MYH7B: variants seen among roughly 807,000 people sequenced by gnomAD.
MYH7B encodes the protein myosin-7B.
A neutral mutation model predicts 234.5 loss-of-function variants in MYH7B; 205 were observed. That is an observed-to-expected ratio of 0.87 (90% CI 0.78 to 0.98). MYH7B has a LOEUF of 0.98. MYH7B is among the 50% of genes least tolerant of loss of function. The pLI is 0.00. For missense variants in MYH7B, 2,652 were observed against 2,633.4 expected, an observed-to-expected ratio of 1.01 and a Z score of -0.15; for synonymous variants, 1,193 against 1,105.0, an observed-to-expected ratio of 1.08 and a Z score of -1.58.
intron 10 of MYH7B, among the ~76,000 whole-genome samples, chr20:34,983,683 C>T (rs2081974940): frequency 6.6e-6 from 1 of 152,216 alleles, no homozygotes; most frequent in African/African-American, 2.4e-5. Context: ...CTCCCCTTAC[C>T]TTGGCCCCAA....
At chr20:34,983,577 G>T (rs1261387089) in intron 10 of MYH7B, among the ~76,000 whole-genome samples, 2 of 152,114 alleles carry the variant, frequency 1.3e-5, no homozygotes, top group African/African-American at 4.8e-5. Flanking sequence ...GAAAGGAGCT[G>T]GGACAGTGGA....
chr20:34,990,955 C>A, intron 23 of MYH7B, 49 bp from the exon 24 acceptor site: 1 of 1,571,046 alleles, frequency 6.4e-7, no homozygotes. Flanking sequence ...TTCTCTGGGG[C>A]CTGCGGGTGT....
chr20:34,977,590 G>A (rs376560665), intron 3 of MYH7B, 42 bp from the exon 4 acceptor site: 45 of 1,559,374 alleles, frequency 2.9e-5, no homozygotes, highest in African/African-American at 2.7e-4. Context: ...GCTGTGACAC[G>A]TGGAGATTGC....
exon 42 of MYH7B, chr20:35,001,310 G>A: frequency 6.2e-7 from 1 of 1,612,472 alleles, no homozygotes; most frequent in Non-Finnish European, 8.5e-7. Context: ...TTAAGGGCGT[G>A]CGCAAGCATG....
rs546289440 is a variant in MYH7B at position 34,999,133 on chromosome 20, A to C, written c.4268A>C (p.Lys1423Thr). Reference sequence around the variant, plus strand: ...AACGCCAAGTGCTCATCGTTGGAGAAGGCCAAGCTGCGGCTACAGACAGAG... The same window carrying C: ...AACGCCAAGTGCTCATCGTTGGAGACGGCCAAGCTGCGGCTACAGACAGAG... Residue 1423 changes from lysine to threonine, a missense_variant, in exon 36 of 45, where the codon AAG becomes ACG. Around this residue, in one of 3 missense-constraint regions of MYH7B, gnomAD observed 2,279 missense variants for 2,211.4 expected, o/e 1.03. Transcript: ENST00000262873. The C allele has an allele frequency of 4.3e-6, 7 of 1,613,764 alleles. No homozygotes were observed. In the African/African-American group the frequency reaches 8.0e-5, roughly 18 times the overall value.
intron 3 of MYH7B, among the ~76,000 whole-genome samples, chr20:34,975,925 C>T (rs561036333): frequency 6.6e-6 from 1 of 151,932 alleles, no homozygotes; most frequent in Non-Finnish European, 1.5e-5. Context: ...ACTGTGTTAG[C>T]CAGGATGGTC....
rs772067201 is a variant in MYH7B, at chr20:34,990,114, C to T, written c.1868C>T (p.Thr623Ile). Reference sequence around the variant, plus strand: ...AAGTCACAGAATAGGCTCCTGGCGACTCTCTATGAGAATTATGCGGGCTCC... The same window carrying T: ...AAGTCACAGAATAGGCTCCTGGCGATTCTCTATGAGAATTATGCGGGCTCC... The change falls in exon 21 of 45, where the codon ACT becomes ATT. Residue 623 changes from threonine to isoleucine, a missense_variant. Physicochemically the swap from Thr to Ile is moderately conservative, Grantham distance 89. Transcript: ENST00000262873. 1.4e-5 allele frequency: 22 copies of T among 1,613,998 alleles called. No individual in the cohort carries two copies. The South Asian group carries it at 2.2e-4, about 16-fold the overall frequency.
In MYH7B at chr20:34,989,840, C is replaced by T. The variant is rs2082107172; in HGVS notation, c.1688C>T (p.Ser563Leu). 3 of 1,614,196 alleles carry T rather than the reference C, an allele frequency of 1.9e-6. No homozygotes were observed. In the East Asian group the frequency reaches 6.7e-5, roughly 36 times the overall value. The change falls in exon 20 of 45, where the codon TCA (serine) becomes TTA (leucine). Residue 563 changes from serine (S) to leucine (L), a missense_variant. By Grantham distance (145) the Ser-to-Leu change is moderately radical. Around this residue, in one of 3 missense-constraint regions of MYH7B, gnomAD observed 2,279 missense variants for 2,211.4 expected, o/e 1.03. Coordinates refer to ENST00000262873, the Ensembl canonical transcript of MYH7B. ...CTCTACGACAACCACGCGGGGAAGT[C>T]ACCCAATTTCCAGCAGCCTCGGCCT...
At chr20:35,002,192 C>T (rs760416646) in exon 45 of MYH7B, 2 of 1,534,956 alleles carry the variant, frequency 1.3e-6, no homozygotes, top group Non-Finnish European at 1.7e-6. Context: ...GGAGTGACGG[C>T]CTGACCCCCT....
At position 35,000,757 on chromosome 20, in the gene MYH7B, C is replaced by T. The variant is rs2082357492; in HGVS notation, c.5179-11C>T. On this transcript the variant is annotated splice_polypyrimidine_tract_variant and intron_variant, in intron 39 of 44. Transcript: ENST00000262873. ...CTGGCTGGCTGGCTCTGAGACTCCT[C>T]TTCCCCTCAGAACACAGGCCTCCTA... The T allele has an allele frequency of 6.2e-7, 1 of 1,610,756 alleles. No homozygotes were observed. The highest frequency in any genetic ancestry group is 2.2e-5 in the East Asian group (1 of 44,706).
At chr20:34,964,901 C>G (rs1474289702) in intron 2 of MYH7B, among the ~76,000 whole-genome samples, 5 of 152,150 alleles carry the variant, frequency 3.3e-5, no homozygotes, top group Non-Finnish European at 7.4e-5. Context: ...CTTGTTTAAT[C>G]TACTGAGTTT....
exon 39 of MYH7B, chr20:35,000,388 A>T (rs774669502): frequency 6.3e-7 from 1 of 1,599,868 alleles, no homozygotes; most frequent in East Asian, 2.2e-5. Flanking sequence ...AAGAAGATGG[A>T]GGGTGACCTC....
At position 34,990,829 on chromosome 20, in the gene MYH7B, G is replaced by T. The variant is rs2082132935; in HGVS notation, c.2065+4G>T. The T allele has an allele frequency of 1.2e-6, 2 of 1,614,026 alleles. No homozygotes were observed. The highest frequency in any genetic ancestry group is 1.7e-6 in the Non-Finnish European group (2 of 1,180,014). ...CCCAACGAGAACAAAACCCCAGGTA[G>T]TCACCCAGGGCTGGCCTGGCTGGGG... On this transcript the variant is annotated splice_donor_region_variant and intron_variant, in intron 23 of 44. Coordinates refer to ENST00000262873, the Ensembl canonical transcript of MYH7B.
intron 2 of MYH7B, among the ~76,000 whole-genome samples, 161 bp downstream of exon 2, chr20:34,958,373 G>C (rs1402149846): frequency 2.0e-5 from 3 of 152,172 alleles, no homozygotes; most frequent in African/African-American, 7.2e-5. Flanking sequence ...CTCTGCCTGG[G>C]TGCTTTCCTC....
chr20:34,985,138 A>G lies in MYH7B; in HGVS notation c.805+9A>G, dbSNP rs2425007. ...CGCGGATATTGACAGCTGTGAGTCA[A>G]CCCCCTGCGGGCGGTGCAGGGGAAG... On this transcript the variant is annotated intron_variant, in intron 13 of 44. Coordinates refer to ENST00000262873, the Ensembl canonical transcript of MYH7B. 1,155,962 of 1,612,718 alleles carry G rather than the reference A, an allele frequency of 0.72. 416,355 individuals carry two copies. Among genetic ancestry groups the G allele is most frequent in the Middle Eastern group, 0.86 (5,198 of 6,056 alleles).
chr20:34,994,178 G>C, exon 27 of MYH7B: 1 of 1,613,402 alleles, frequency 6.2e-7, no homozygotes, highest in South Asian at 1.1e-5. Flanking sequence ...TGGAACATCC[G>C]TGCCTTCAAT....
chr20:34,988,163 G>C (rs764416796), exon 19 of MYH7B: 7 of 1,613,608 alleles, frequency 4.3e-6, no homozygotes, highest in South Asian at 1.1e-5. Flanking sequence ...ACCAGCACAT[G>C]TTTGTGCTGG....
intron 43 of MYH7B, 71 bp from the exon 44 acceptor site, chr20:35,001,877 G>A: frequency 5.1e-6 from 8 of 1,556,052 alleles, no homozygotes; most frequent in Non-Finnish European, 7.0e-6. Context: ...CTCCCTTCTT[G>A]GACTGGGGCA....
At chr20:34,990,041 G>C in exon 21 of MYH7B, 1 of 1,614,162 alleles carries the variant, frequency 6.2e-7, no homozygotes, top group Non-Finnish European at 8.5e-7. Flanking sequence ...GGGCTGGCTG[G>C]AGAAAAACAA....
Sources: allele counts gnomAD v4.1 joint callset (sites outside exome capture counted in the v4.1 genomes callset), GRCh38; gene constraint gnomAD v4.1.1; regional missense constraint gnomAD v4.1.1; transcripts MANE v1.5; gene names NCBI Gene and HGNC (gene_info 2026-07-23, HGNC 2026-07-21).